The following PITRM1 variants were observed in gnomAD, a reference collection of about 807,000 sequenced individuals.
The protein encoded by PITRM1 is presequence protease, mitochondrial.
Under a neutral mutation model 129.9 loss-of-function variants are expected in PITRM1, and 100 were observed. The observed-to-expected ratio is 0.77, with a 90% CI of 0.65 to 0.91. The LOEUF (loss-of-function observed/expected upper bound fraction) is 0.91, where lower values mean the gene tolerates loss of function less well. PITRM1 is among the 40% of genes least tolerant of loss of function. The probability of loss-of-function intolerance (pLI) is 0.00; values close to 1 mark genes in which losing one functional copy is unlikely to be tolerated. For missense variants in PITRM1, 1,471 were observed against 1,318.3 expected (o/e 1.12, Z -1.79); for synonymous variants, 591 against 508.8 (o/e 1.16, Z -2.17).
At chr10:3,164,023 T>TAAA (rs5782688) in intron 6 of PITRM1, 138 bp from the exon 7 acceptor site, 175 of 333,280 alleles carry the variant, frequency 5.3e-4, no homozygotes, top group East Asian at 1.7e-3. Context: ...TCTAATGGTT[T>TAAA]AAAAAAAAAA....
intron 2 of PITRM1, among the ~76,000 whole-genome samples, chr10:3,169,136 A>G (rs1170797056): frequency 6.6e-6 from 1 of 152,202 alleles, no homozygotes; most frequent in Non-Finnish European, 1.5e-5. Flanking sequence ...TTGAGAAATA[A>G]AGGAGGAGAA....
chr10:3,164,934 T>A (rs1298472097), intron 6 of PITRM1, among the ~76,000 whole-genome samples: 1 of 152,202 alleles, frequency 6.6e-6, no homozygotes, highest in Middle Eastern at 3.2e-3. Context: ...AAGTACACCG[T>A]GTACTTGGGC....
intron 7 of PITRM1, 86 bp downstream of exon 7, chr10:3,163,639 G>T: frequency 8.8e-7 from 1 of 1,134,924 alleles, no homozygotes; most frequent in South Asian, 1.6e-5. Context: ...TGCTAAATGT[G>T]AGAGAAGCCA....
At chr10:3,167,164 G>C (rs1842930755) in intron 2 of PITRM1, 122 bp from the exon 3 acceptor site, 1 of 611,576 alleles carries the variant, frequency 1.6e-6, no homozygotes. Flanking sequence ...CGGGAAGGCA[G>C]TATTTCAGAG....
At chr10:3,139,763 A>G (rs973773529) in intron 24 of PITRM1, among the ~76,000 whole-genome samples, 1 of 152,242 alleles carries the variant, frequency 6.6e-6, no homozygotes, top group African/African-American at 2.4e-5. Context: ...CCCAGGCTCA[A>G]GGGATCCTCC....
At chr10:3,162,698 C>T (rs1386252623) in intron 7 of PITRM1, among the ~76,000 whole-genome samples, 1 of 152,218 alleles carries the variant, frequency 6.6e-6, no homozygotes, top group East Asian at 1.9e-4. Context: ...GATCTAAGTT[C>T]CAGTGCTCAG....
At chr10:3,146,499 T>A (rs2132388355) in intron 20 of PITRM1, 1 of 152,500 alleles carries the variant, frequency 6.6e-6, no homozygotes, top group East Asian at 1.9e-4. Context: ...AAGCCAGGCC[T>A]GCCTGAGCCC....
intron 11 of PITRM1, among the ~76,000 whole-genome samples, 175 bp from the exon 12 acceptor site, chr10:3,157,706 T>C (rs752128126): frequency 5.3e-5 from 8 of 152,064 alleles, no homozygotes; most frequent in Non-Finnish European, 1.0e-4. Flanking sequence ...GGCATGGTGG[T>C]GTGCACCCTA....
At chr10:3,149,804 C>A in intron 15 of PITRM1, 51 bp from the exon 16 acceptor site, 3 of 1,585,934 alleles carry the variant, frequency 1.9e-6, no homozygotes, top group Non-Finnish European at 1.7e-6. Context: ...AAAATTCTAA[C>A]CACTTGTAAT....
intron 24 of PITRM1, among the ~76,000 whole-genome samples, chr10:3,139,913 TTA>T (rs1462142228): frequency 6.6e-6 from 1 of 152,178 alleles, no homozygotes; most frequent in African/African-American, 2.4e-5. Context: ...AGTAACGGTG[TTA>T]TGTTTATGAA....
chr10:3,148,049 G>C lies in PITRM1; in HGVS notation c.2007C>G (p.Ser669=), dbSNP rs1325554403. The C allele has an allele frequency of 3.1e-6, 5 of 1,613,652 alleles. No homozygotes were observed. Among genetic ancestry groups the C allele is most frequent in the Non-Finnish European group, 4.2e-6 (5 of 1,179,676 alleles). The change falls in exon 18 of 27, where the codon TCC becomes TCG. Residue 669 remains serine (S), a synonymous_variant. Transcript: ENST00000224949. ...GCAGGTTTCGATCCAGGCAGAGAGA[G>C]GAGAAAAGCACACCCTGAACCAAAG... ...MDTYEQGVLF[S]SLCLDRNLPD... is the part of the protein sequence containing the mutation.
chr10:3,138,093 G>T lies in PITRM1; in HGVS notation c.3052C>A (p.Leu1018Met). 3.7e-6 allele frequency: 6 copies of T among 1,610,734 alleles called. No homozygotes were observed. The highest frequency in any genetic ancestry group is 5.1e-6 in the Non-Finnish European group (6 of 1,178,642). ...YLGTGKSTHG[L>M]AILGPENPKI... ...GGGTTCTCGGGTCCGAGGATGGCCA[G>T]GCCGTGTGTGCTCTTCCCAGTGCCG... The change falls in exon 27 of 27, where the codon CTG becomes ATG. Residue 1018 changes from leucine (L) to methionine (M), a missense_variant. Physicochemically the swap from Leu to Met is conservative, Grantham distance 15. Transcript: ENST00000224949.
At chr10:3,154,902 T>G (rs749370419) in intron 14 of PITRM1, among the ~76,000 whole-genome samples, 1 of 152,184 alleles carries the variant, frequency 6.6e-6, no homozygotes, top group Non-Finnish European at 1.5e-5. Context: ...CATCCTGGCC[T>G]AGGTCGTCAT....
At chr10:3,170,924 C>T (rs1843277409) in intron 1 of PITRM1, among the ~76,000 whole-genome samples, 3 of 151,852 alleles carry the variant, frequency 2.0e-5, no homozygotes, top group African/African-American at 7.3e-5. Context: ...GATCACGCCA[C>T]TGCACTCCAG....
At chr10:3,159,983 G>A (rs193277104) in intron 8 of PITRM1, 47 bp from the exon 9 acceptor site, 2 of 1,365,970 alleles carry the variant, frequency 1.5e-6, no homozygotes, top group Non-Finnish European at 2.1e-6. Context: ...TCTGACGGTT[G>A]TCAACTACTC....
At chr10:3,158,235 G>T in intron 10 of PITRM1, 82 bp from the exon 11 acceptor site, 2 of 792,370 alleles carry the variant, frequency 2.5e-6, no homozygotes, top group South Asian at 1.5e-5. Flanking sequence ...TTAAAGATCA[G>T]AACGAAGCGC....
At chr10:3,170,344 C>A in intron 1 of PITRM1, 138 bp from the exon 2 acceptor site, 1 of 608,768 alleles carries the variant, frequency 1.6e-6, no homozygotes, top group Non-Finnish European at 2.8e-6. Flanking sequence ...CAAAGTCTTG[C>A]ACATTCCAGA....
intron 1 of PITRM1, among the ~76,000 whole-genome samples, chr10:3,170,926 G>C (rs944618684): frequency 2.0e-5 from 3 of 151,826 alleles, no homozygotes; most frequent in African/African-American, 7.3e-5. Context: ...TCACGCCACT[G>C]CACTCCAGCC....
In PITRM1 at chr10:3,159,022, G is replaced by A. The variant is rs1469243568; in HGVS notation, c.1028C>T (p.Ala343Val). The A allele has an allele frequency of 6.2e-7, 1 of 1,612,340 alleles. No individual in the cohort carries two copies. The highest frequency in any genetic ancestry group is 1.7e-5 in the Admixed American group (1 of 59,922). ...LLPDITDTFE[A>V]FTLSLLSSLL... ...TGAAGACAGAAGACTTAATGTGAAG[G>A]CTTCAAATGTGTCGGTGATGCTGCA... The change falls in exon 10 of 27, where the codon GCC (alanine) becomes GTC (valine). Residue 343 changes from alanine (A) to valine (V), a missense_variant. Transcript: ENST00000224949.
Sources: allele counts gnomAD v4.1 joint callset (sites outside exome capture counted in the v4.1 genomes callset), GRCh38; gene constraint gnomAD v4.1.1; transcripts MANE v1.5; gene names NCBI Gene and HGNC (gene_info 2026-07-23, HGNC 2026-07-21).